IQSEC1: variants seen among roughly 807,000 people sequenced by gnomAD.
The protein encoded by IQSEC1 is IQ motif and SEC7 domain-containing protein 1.
Under a neutral mutation model 91.0 loss-of-function variants are expected in IQSEC1, and 31 were observed. The observed-to-expected ratio is 0.34, with a 90% CI of 0.26 to 0.46. The LOEUF (loss-of-function observed/expected upper bound fraction) is 0.46, where lower values mean the gene tolerates loss of function less well. Ranked by LOEUF, IQSEC1 falls within the 20% of genes least tolerant of loss-of-function variation. The probability of loss-of-function intolerance (pLI) is 1.00; values close to 1 mark genes in which losing one functional copy is unlikely to be tolerated. For missense variants in IQSEC1, 1,388 were observed against 1,575.6 expected (o/e 0.88, Z 2.02); for synonymous variants, 699 against 662.6 (o/e 1.05, Z -0.84).
intron 1 of IQSEC1, among the ~76,000 whole-genome samples, chr3:13,198,385 T>C (rs1694174011): frequency 6.6e-6 from 1 of 152,060 alleles, no homozygotes; most frequent in African/African-American, 2.4e-5. Flanking sequence ...GGGTGGCTCA[T>C]CTGAAGAGTG....
intron 1 of IQSEC1, among the ~76,000 whole-genome samples, chr3:12,984,608 G>T (rs1701632469): frequency 6.6e-6 from 1 of 152,124 alleles, no homozygotes; most frequent in South Asian, 2.1e-4. Context: ...GGCCATGCAT[G>T]CACGACCTGT....
intron 1 of IQSEC1, among the ~76,000 whole-genome samples, chr3:13,059,684 A>C (rs1248989588): frequency 6.6e-6 from 1 of 152,294 alleles, no homozygotes; most frequent in East Asian, 1.9e-4. Context: ...CCAGGAGTTC[A>C]AGGCTCCAGT....
chr3:12,900,392 T>C lies in IQSEC1; in HGVS notation c.*591A>G. The C allele has an allele frequency of 7.1e-6, 7 of 984,582 alleles. No homozygotes were observed. Among genetic ancestry groups the C allele is most frequent in the Non-Finnish European group, 8.4e-6 (7 of 829,788 alleles). The allele number at this position is 984,582 out of a possible 1,614,324, so 61.0% of individuals were successfully genotyped here. On this transcript the variant is annotated 3_prime_UTR_variant, in exon 14 of 14. Transcript: ENST00000613206. The stretch of plus-strand genomic sequence containing the variant: ...TAGGTAAGTGGAGCTCCTTGTAAGG[T>C]GGGTATTGCTAATGTGGACTGAAAC...
At chr3:13,266,292 C>T (rs896570312) in intron 1 of IQSEC1, among the ~76,000 whole-genome samples, 4 of 152,226 alleles carry the variant, frequency 2.6e-5, no homozygotes, top group South Asian at 2.1e-4. Context: ...TCAATGCCAT[C>T]GCCCTTGGAC....
chr3:13,076,408 C>T (rs572941696), upstream of IQSEC1, among the ~76,000 whole-genome samples: 78 of 152,264 alleles, frequency 5.1e-4, no homozygotes, highest in African/African-American at 1.6e-3. Flanking sequence ...CTTCCCTCAA[C>T]GGGAAAATTT....
intron 1 of IQSEC1, among the ~76,000 whole-genome samples, chr3:13,250,626 T>A (rs1030628807): frequency 2.2e-4 from 33 of 151,350 alleles, no homozygotes; most frequent in African/African-American, 3.2e-4. Context: ...TATTTTATTT[T>A]ATTTTATTTT....
At chr3:12,934,809 T>C (rs974052501) in intron 3 of IQSEC1, among the ~76,000 whole-genome samples, 1 of 152,072 alleles carries the variant, frequency 6.6e-6, no homozygotes, top group Non-Finnish European at 1.5e-5. Flanking sequence ...CAGGACCCCC[T>C]TGGGGAGCAG....
rs561687189 is a variant in IQSEC1, at chr3:13,229,451, T to C, written c.272+53260A>G. 3.3e-4 allele frequency among the ~76,000 whole-genome samples: 51 copies of C among 152,268 alleles called. No homozygotes were observed. In the South Asian group the frequency reaches 0.01, roughly 30 times the overall value. On this transcript the variant is annotated intron_variant, in intron 1 of 15. Transcript: ENST00000648114. ...TGTTTATGGCCTTCTGTGTGACAATTTAAACAGCTGTGCAAGAGATGAATG... is the reference window on the plus strand; with the variant it reads ...TGTTTATGGCCTTCTGTGTGACAATCTAAACAGCTGTGCAAGAGATGAATG...
chr3:13,194,637 A>C (rs1694094989), intron 1 of IQSEC1, among the ~76,000 whole-genome samples: 1 of 152,172 alleles, frequency 6.6e-6, no homozygotes, highest in South Asian at 2.1e-4. Flanking sequence ...GAGGGTGCCC[A>C]CCCAGAAACC....
At chr3:13,112,397 C>T (rs1421549052) in intron 2 of IQSEC1, among the ~76,000 whole-genome samples, 2 of 152,268 alleles carry the variant, frequency 1.3e-5, no homozygotes, top group East Asian at 3.8e-4. Flanking sequence ...CACCTGCCAA[C>T]AGTCCGGAAG....
At position 13,270,243 on chromosome 3, in the gene IQSEC1, G is replaced by T. The variant is rs60538129; in HGVS notation, c.272+12468C>A. On this transcript the variant is annotated intron_variant, in intron 1 of 15. Transcript: ENST00000648114. ...CAAAATGAGATATAATAAAATGGTG[G>T]TTGTTTTAAAACTAAATGTTTAATT... Among the ~76,000 whole-genome samples the T allele has an allele frequency of 3.7e-3, 559 of 152,298 alleles. 12 individuals are homozygous for T. The East Asian group carries it at 0.069, about 19-fold the overall frequency.
intron 1 of IQSEC1, among the ~76,000 whole-genome samples, chr3:13,268,551 G>A (rs1468015888): frequency 6.6e-6 from 1 of 152,146 alleles, no homozygotes; most frequent in Non-Finnish European, 1.5e-5. Context: ...CCATGAACCT[G>A]TGTCTTTATA....
chr3:12,986,951 C>T (rs1275352361), intron 1 of IQSEC1: 2 of 386,598 alleles, frequency 5.2e-6, no homozygotes, highest in African/African-American at 2.1e-5. Context: ...TGGGGCTGGC[C>T]CATCCCACCC....
At chr3:13,174,292 T>C (rs1428574991) in intron 1 of IQSEC1, among the ~76,000 whole-genome samples, 1 of 152,164 alleles carries the variant, frequency 6.6e-6, no homozygotes, top group Non-Finnish European at 1.5e-5. Context: ...CTTTGTCCTC[T>C]GGGTCAGCAA....
chr3:12,915,749 A>C lies in IQSEC1; in HGVS notation c.2021-16T>G, dbSNP rs1696024058. ...TCGTCCACACCTGGGTAGGGGATGC[A>C]GCTGGATATCAGGGTGGGCCCCAGG... is the stretch of plus-strand genomic sequence containing the variant. On this transcript the variant is annotated splice_polypyrimidine_tract_variant and intron_variant, in intron 6 of 13. Transcript: ENST00000613206. 1 of 1,612,830 alleles carries C rather than the reference A, an allele frequency of 6.2e-7. No individual in the cohort carries two copies. The highest frequency in any genetic ancestry group is 2.2e-5 in the East Asian group (1 of 44,830).
At chr3:13,014,807 G>C (rs1388075082) in intron 1 of IQSEC1, among the ~76,000 whole-genome samples, 2 of 152,164 alleles carry the variant, frequency 1.3e-5, no homozygotes, top group African/African-American at 4.8e-5. Flanking sequence ...CACGCTCCCA[G>C]CCCCAGGGAT....
intron 1 of IQSEC1, among the ~76,000 whole-genome samples, chr3:13,209,007 C>A (rs1694396015): frequency 6.6e-6 from 1 of 152,230 alleles, no homozygotes; most frequent in Admixed American, 6.5e-5. Context: ...ACCAGCAGCA[C>A]CTTCCGGGCT....
chr3:13,021,868 C>T (rs1031523226), intron 1 of IQSEC1, among the ~76,000 whole-genome samples: 1 of 152,222 alleles, frequency 6.6e-6, no homozygotes, highest in Non-Finnish European at 1.5e-5. Flanking sequence ...AATCGCAGCA[C>T]ACCCCCTGGT....
intron 1 of IQSEC1, among the ~76,000 whole-genome samples, chr3:13,043,553 C>T (rs969728974): frequency 6.6e-6 from 1 of 152,260 alleles, no homozygotes; most frequent in African/African-American, 2.4e-5. Flanking sequence ...GCTATAGCAG[C>T]TCAGCCCCCT....
Sources: gnomAD v4.1 joint callset for allele counts (sites outside exome capture counted in the v4.1 genomes callset) on GRCh38, gnomAD v4.1.1 for gene constraint, MANE v1.5 for transcripts, NCBI Gene and HGNC (gene_info 2026-07-23, HGNC 2026-07-21) for gene names.